The following STK10 variants were observed in gnomAD, a reference collection of about 807,000 sequenced individuals.
STK10 encodes the protein serine/threonine kinase 10.
A neutral mutation model predicts 113.8 loss-of-function variants in STK10; 78 were observed. That is an observed-to-expected ratio of 0.69 (90% confidence interval 0.57 to 0.83). The LOEUF is 0.83. Ranked by LOEUF, STK10 falls within the 40% of genes least tolerant of loss-of-function variation. The probability of loss-of-function intolerance (pLI) is 0.00; values close to 1 mark genes in which losing one functional copy is unlikely to be tolerated. For missense variants in STK10, 1,109 were observed against 1,280.1 expected (o/e 0.87, Z 2.04); for synonymous variants, 465 against 494.7 (o/e 0.94, Z 0.80).
At chr5:172,149,232 G>A (rs975360128) in intron 2 of STK10, among the ~76,000 whole-genome samples, 7 of 152,162 alleles carry the variant, frequency 4.6e-5, no homozygotes, top group Non-Finnish European at 1.0e-4. Context: ...CAGCCCACCC[G>A]GCACAGGCCT....
intron 1 of STK10, among the ~76,000 whole-genome samples, chr5:172,158,642 CA>C (rs556908469): frequency 2.4e-4 from 37 of 151,862 alleles, no homozygotes; most frequent in Middle Eastern, 3.4e-3. Flanking sequence ...AAACAAACAA[CA>C]AAAAAAGATG....
At chr5:172,121,336 TTTTG>T (rs1769505439) in intron 3 of STK10, among the ~76,000 whole-genome samples, 1 of 151,864 alleles carries the variant, frequency 6.6e-6, no homozygotes, top group Admixed American at 6.6e-5. Context: ...CAGCCTAATT[TTTTG>T]TTTGTTTTTG....
chr5:172,098,750 C>T (rs902855894), intron 7 of STK10, among the ~76,000 whole-genome samples: 1 of 152,200 alleles, frequency 6.6e-6, no homozygotes, highest in Non-Finnish European at 1.5e-5. Flanking sequence ...CCAGCTTCCA[C>T]CAACTTGGGC....
rs1187738313 is a variant in STK10, at chr5:172,078,392, G to A, written c.1989+3934C>T. On this transcript the variant is annotated intron_variant, in intron 12 of 18. Coordinates refer to ENST00000176763, the MANE Select transcript of STK10 (RefSeq NM_005990.4). ...AAAGAGTCTGGGTGCAATGGCTCAC[G>A]CCTATAATCCCAACAGTTTGGGAGG... Among the ~76,000 whole-genome samples, 9 of 152,106 alleles carry A rather than the reference G, an allele frequency of 5.9e-5. 1 individual carries two copies. The highest frequency in any genetic ancestry group is 1.2e-4 in the Non-Finnish European group (8 of 68,026).
chr5:172,106,663 T>C lies in STK10; in HGVS notation c.745A>G (p.Ile249Val), dbSNP rs1490365234. 5 of 1,613,632 alleles carry C rather than the reference T, an allele frequency of 3.1e-6. No homozygotes were observed. Among genetic ancestry groups the C allele is most frequent in the Admixed American group, 1.7e-5 (1 of 60,006 alleles). ...ELNPMRVLLK[I>V]AKSDPPTLLT... Reference sequence around the variant, plus strand: ...AGCGTGGGAGGGTCCGACTTGGCGATCTTTAGCAGGACCCGCATGGGGTTG... The same window carrying C: ...AGCGTGGGAGGGTCCGACTTGGCGACCTTTAGCAGGACCCGCATGGGGTTG... The change falls in exon 6 of 19, where the codon ATC (isoleucine) becomes GTC (valine). Residue 249 changes from isoleucine (I) to valine (V), a missense_variant. By Grantham distance (29) the Ile-to-Val change is conservative (BLOSUM62 3). Transcript: ENST00000176763.
intron 10 of STK10, among the ~76,000 whole-genome samples, chr5:172,084,421 A>AATG (rs142145257): frequency 6.6e-6 from 1 of 151,160 alleles, no homozygotes; most frequent in African/African-American, 2.4e-5. Flanking sequence ...TAATAATAAT[A>AATG]ATAATAATAT....
At chr5:172,161,417 C>T (rs1770469466) in intron 1 of STK10, among the ~76,000 whole-genome samples, 1 of 151,708 alleles carries the variant, frequency 6.6e-6, no homozygotes, top group South Asian at 2.1e-4. Context: ...CACACCACTG[C>T]ACTCCAGCCT....
chr5:172,106,564 C>A (rs1337285389), intron 6 of STK10, 56 bp downstream of exon 6: 4 of 1,540,166 alleles, frequency 2.6e-6, no homozygotes. Context: ...ACCACATATT[C>A]CAGCCCTAAT....
intron 1 of STK10, among the ~76,000 whole-genome samples, chr5:172,161,408 A>G (rs1450547435): frequency 1.3e-5 from 2 of 151,558 alleles, no homozygotes; most frequent in Non-Finnish European, 2.9e-5. Context: ...AGCCGAGATC[A>G]CACCACTGCA....
At chr5:172,129,339 G>A (rs923234131) in intron 2 of STK10, among the ~76,000 whole-genome samples, 5 of 152,146 alleles carry the variant, frequency 3.3e-5, no homozygotes, top group African/African-American at 9.7e-5. Context: ...AAGGCGGCAC[G>A]GCCCACTTCC....
At chr5:172,096,351 C>G in intron 8 of STK10, 75 bp downstream of exon 8, 1 of 1,584,672 alleles carries the variant, frequency 6.3e-7, no homozygotes, top group Non-Finnish European at 8.6e-7. Flanking sequence ...CCTTCCCTGC[C>G]CCTCCCACAC....
intron 3 of STK10, among the ~76,000 whole-genome samples, chr5:172,124,757 G>A (rs1306351496): frequency 1.3e-5 from 2 of 152,086 alleles, no homozygotes; most frequent in African/African-American, 2.4e-5. Flanking sequence ...CTCAATCACA[G>A]GATAGTTGTA....
chr5:172,075,774 G>C (rs924483836), intron 12 of STK10, among the ~76,000 whole-genome samples: 5 of 152,206 alleles, frequency 3.3e-5, no homozygotes, highest in African/African-American at 1.2e-4. Context: ...AGTGAAATGT[G>C]AATTAGAAAC....
intron 2 of STK10, among the ~76,000 whole-genome samples, chr5:172,129,793 T>C (rs1769707788): frequency 1.3e-5 from 2 of 152,138 alleles, no homozygotes; most frequent in Non-Finnish European, 2.9e-5. Flanking sequence ...GAAGCAAAAC[T>C]CAGTGACCAT....
At chr5:172,131,755 AAAC>A (rs1178565542) in intron 2 of STK10, among the ~76,000 whole-genome samples, 2 of 152,224 alleles carry the variant, frequency 1.3e-5, no homozygotes, top group Non-Finnish European at 2.9e-5. Context: ...TTAATTAATA[AAAC>A]AATAGTCTCA....
intron 15 of STK10, 22 bp downstream of exon 15, chr5:172,057,327 C>T: frequency 6.3e-7 from 1 of 1,577,796 alleles, no homozygotes; most frequent in Non-Finnish European, 8.6e-7. Context: ...AGATCCGAGC[C>T]CCGTGCCACC....
At chr5:172,078,611 C>CTCA (rs1768361142) in intron 12 of STK10, among the ~76,000 whole-genome samples, 1 of 125,962 alleles carries the variant, frequency 7.9e-6, no homozygotes, top group Admixed American at 8.9e-5. Flanking sequence ...GCATTCCAGC[C>CTCA]TCATCATTAA....
chr5:172,057,203 G>A, intron 15 of STK10, 146 bp downstream of exon 15: 1 of 1,182,970 alleles, frequency 8.5e-7, no homozygotes, highest in African/African-American at 1.5e-5. Flanking sequence ...ACCTCCTGGG[G>A]CCTCACTGCA....
At chr5:172,084,133 G>A (rs1768498456) in intron 10 of STK10, among the ~76,000 whole-genome samples, 1 of 151,990 alleles carries the variant, frequency 6.6e-6, no homozygotes, top group South Asian at 2.1e-4. Flanking sequence ...TGGGCACAGT[G>A]GCTCATACCT....
Sources: gnomAD v4.1 joint callset for allele counts (sites outside exome capture counted in the v4.1 genomes callset) on GRCh38, gnomAD v4.1.1 for gene constraint, MANE v1.5 for transcripts, NCBI Gene and HGNC (gene_info 2026-07-23, HGNC 2026-07-21) for gene names.